ZNF638: variants seen among roughly 807,000 people sequenced by gnomAD.
The protein encoded by ZNF638 is zinc finger protein 638, also known as CTCL tumor antigen se33-1.
In ZNF638, 46 loss-of-function variants were observed where a neutral mutation model predicts 195.6. The observed-to-expected ratio is 0.24, with a 90% confidence interval of 0.19 to 0.30. ZNF638 has a LOEUF of 0.30. ZNF638 is among the 10% of genes least tolerant of loss of function. The probability of loss-of-function intolerance (pLI) is 1.00; values close to 1 mark genes in which losing one functional copy is unlikely to be tolerated. For synonymous variants in ZNF638, 845 were observed against 772.0 expected, an observed-to-expected ratio of 1.09 and a Z score of -1.57; for missense variants, 2,440 against 2,325.3, an observed-to-expected ratio of 1.05 and a Z score of -1.01.
At chr2:71,404,736 C>T (rs1032391155) in intron 17 of ZNF638, among the ~76,000 whole-genome samples, 1 of 152,074 alleles carries the variant, frequency 6.6e-6, no homozygotes, top group African/African-American at 2.4e-5. Context: ...CAGACCTCCT[C>T]CTGGACCTTT....
At chr2:71,345,676 A>G (rs2078838882) in intron 1 of ZNF638, among the ~76,000 whole-genome samples, 1 of 149,458 alleles carries the variant, frequency 6.7e-6, no homozygotes, top group Admixed American at 6.6e-5. Context: ...AGCCACCTGT[A>G]TTTTTTTTTG....
rs755316798 is a variant in ZNF638, at chr2:71,433,295, A to C, written c.5871+12A>C. ...AGCAAAATACTGAGGTAATTTTAAAAATTCTTACAAAATCTTGAGGTGTTG... is the reference window on the plus strand; with the variant it reads ...AGCAAAATACTGAGGTAATTTTAAACATTCTTACAAAATCTTGAGGTGTTG... On this transcript the variant is annotated intron_variant, in intron 27 of 27. Coordinates refer to ENST00000264447, the MANE Select transcript of ZNF638 (RefSeq NM_014497.5). 7 of 1,572,012 alleles carry C rather than the reference A, an allele frequency of 4.5e-6. No homozygotes were observed. Among genetic ancestry groups the C allele is most frequent in the Non-Finnish European group, 6.1e-6 (7 of 1,143,510 alleles).
At chr2:71,346,006 T>C (rs1402060162) in intron 1 of ZNF638, among the ~76,000 whole-genome samples, 1 of 152,218 alleles carries the variant, frequency 6.6e-6, no homozygotes, top group Non-Finnish European at 1.5e-5. Context: ...TGTAATGCAA[T>C]GTTGGGCACA....
chr2:71,422,466 A>G (rs912834465), intron 21 of ZNF638, among the ~76,000 whole-genome samples: 2 of 152,174 alleles, frequency 1.3e-5, no homozygotes, highest in African/African-American at 4.8e-5. Context: ...TTCAGTTACC[A>G]CTGTTGGGAA....
At chr2:71,393,228 A>G (rs1283069816) in intron 10 of ZNF638, among the ~76,000 whole-genome samples, 1 of 152,224 alleles carries the variant, frequency 6.6e-6, no homozygotes, top group Non-Finnish European at 1.5e-5. Flanking sequence ...AATTTCTAAA[A>G]TTTAAATGAT....
At chr2:71,372,345 T>C (rs2079329617) in intron 8 of ZNF638, among the ~76,000 whole-genome samples, 1 of 152,184 alleles carries the variant, frequency 6.6e-6, no homozygotes, top group Admixed American at 6.5e-5. Context: ...GAGTCCTCTT[T>C]GGCTAGGTCT....
At position 71,397,084 on chromosome 2, in the gene ZNF638, G is replaced by A. The variant is rs188948579; in HGVS notation, c.2428+893G>A. Among the ~76,000 whole-genome samples, 296 of 152,290 alleles carry A rather than the reference G, an allele frequency of 1.9e-3. 3 individuals carry two copies. The highest frequency in any genetic ancestry group is 3.2e-3 in the Non-Finnish European group (218 of 68,026). On this transcript the variant is annotated intron_variant, in intron 11 of 27. Coordinates refer to ENST00000264447, the MANE Select transcript of ZNF638 (RefSeq NM_014497.5). ...TTCATAGAAGCAGTAATTTGAGTGG[G>A]TTATGGGTGGCTAGGAAACTTGTCT...
At chr2:71,422,737 G>T in intron 21 of ZNF638, 77 bp from the exon 22 acceptor site, 1 of 1,448,340 alleles carries the variant, frequency 6.9e-7, no homozygotes, top group South Asian at 1.4e-5. Flanking sequence ...CTTTATAATG[G>T]TTGAATTCTC....
chr2:71,333,721 G>T (rs1256926685), intron 1 of ZNF638, among the ~76,000 whole-genome samples: 2 of 134,494 alleles, frequency 1.5e-5, no homozygotes, highest in African/African-American at 2.8e-5. Context: ...GTATGTGTGA[G>T]ACTTTGGTAA....
intron 10 of ZNF638, among the ~76,000 whole-genome samples, chr2:71,386,756 T>C (rs1335389624): frequency 6.6e-6 from 1 of 152,152 alleles, no homozygotes; most frequent in East Asian, 1.9e-4. Context: ...GTAGAAGTTA[T>C]AAAAAGAAAA....
chr2:71,348,123 T>C (rs1445356435), intron 1 of ZNF638, among the ~76,000 whole-genome samples: 1 of 152,264 alleles, frequency 6.6e-6, no homozygotes, highest in Non-Finnish European at 1.5e-5. Context: ...TTATGTATTA[T>C]GTTCTATGTT....
chr2:71,399,505 T>C, intron 12 of ZNF638, 54 bp from the exon 13 acceptor site: 1 of 1,294,720 alleles, frequency 7.7e-7, no homozygotes, highest in Admixed American at 1.9e-5. Flanking sequence ...GTGTGAAACA[T>C]GCTAAATGAT....
chr2:71,400,380 T>C (rs1319235783), intron 14 of ZNF638, 98 bp from the exon 15 acceptor site: 7 of 1,222,750 alleles, frequency 5.7e-6, no homozygotes, highest in Non-Finnish European at 8.1e-6. Flanking sequence ...ACTTGTTGTA[T>C]TACACGTTTT....
intron 2 of ZNF638, 132 bp downstream of exon 2, chr2:71,350,403 T>A (rs868562292): frequency 2.2e-6 from 2 of 901,868 alleles, no homozygotes; most frequent in Admixed American, 4.7e-5. Context: ...GCAACCTCAA[T>A]ACATAGTTGT....
chr2:71,332,219 C>T (rs901182845), intron 1 of ZNF638, among the ~76,000 whole-genome samples: 9 of 152,220 alleles, frequency 5.9e-5, no homozygotes, highest in African/African-American at 1.9e-4. Flanking sequence ...CCGAGGCGGC[C>T]CCTTCCCCAG....
intron 8 of ZNF638, 100 bp downstream of exon 8, chr2:71,370,105 A>C (rs759476693): frequency 3.1e-6 from 4 of 1,299,632 alleles, no homozygotes; most frequent in Non-Finnish European, 4.3e-6. Flanking sequence ...TAGAAACATA[A>C]ATGTTAGCTC....
intron 8 of ZNF638, among the ~76,000 whole-genome samples, chr2:71,371,489 C>G (rs1476532877): frequency 6.6e-5 from 10 of 152,182 alleles, no homozygotes; most frequent in Non-Finnish European, 1.5e-4. Context: ...TCCCTTTTCT[C>G]CACATCCTGG....
intron 1 of ZNF638, among the ~76,000 whole-genome samples, chr2:71,345,096 T>C (rs1006521766): frequency 4.6e-5 from 7 of 152,256 alleles, no homozygotes; most frequent in Non-Finnish European, 8.8e-5. Flanking sequence ...ACCACATTCA[T>C]AAAACTTTCA....
At chr2:71,383,186 G>A (rs1268986803) in intron 10 of ZNF638, among the ~76,000 whole-genome samples, 1 of 152,080 alleles carries the variant, frequency 6.6e-6, no homozygotes, top group Non-Finnish European at 1.5e-5. Flanking sequence ...GCTGTGTGTG[G>A]TGGTAGTAGT....
Sources: allele counts gnomAD v4.1 joint callset (sites outside exome capture counted in the v4.1 genomes callset), GRCh38; gene constraint gnomAD v4.1.1; transcripts MANE v1.5; gene names NCBI Gene and HGNC (gene_info 2026-07-23, HGNC 2026-07-21).